Variants in VAC14 observed in about 807,000 individuals in gnomAD.
VAC14 encodes the protein protein VAC14 homolog.
A neutral mutation model predicts 85.3 loss-of-function variants in VAC14; 47 were observed. The observed-to-expected ratio is 0.55, with a 90% confidence interval of 0.44 to 0.70. The LOEUF (loss-of-function observed/expected upper bound fraction) is 0.70. VAC14 is among the 30% of genes least tolerant of loss of function. VAC14 has a pLI of 0.00. For missense variants in VAC14, 861 were observed against 1,004.3 expected (o/e 0.86, Z 1.93); for synonymous variants, 447 against 430.5 (o/e 1.04, Z -0.47).
At chr16:70,760,967 GT>G (rs2143047933) in intron 12 of VAC14, among the ~76,000 whole-genome samples, 1 of 66,048 alleles carries the variant, frequency 1.5e-5, no homozygotes, top group Admixed American at 1.3e-4. Context: ...GAGAGGGTGT[GT>G]GTGTGTGTGT....
chr16:70,704,705 G>T (rs974378794), intron 14 of VAC14, among the ~76,000 whole-genome samples: 8 of 152,212 alleles, frequency 5.3e-5, no homozygotes, highest in African/African-American at 1.9e-4. Context: ...GGCAGAGCCT[G>T]GCACGTTAGA....
chr16:70,767,216 T>C (rs1158576881), intron 10 of VAC14, among the ~76,000 whole-genome samples: 2 of 152,232 alleles, frequency 1.3e-5, no homozygotes, highest in African/African-American at 2.4e-5. Flanking sequence ...ATTTACTGAA[T>C]AATGCTTCTG....
chr16:70,760,410 A>G (rs1408250802), intron 12 of VAC14, among the ~76,000 whole-genome samples: 1 of 152,138 alleles, frequency 6.6e-6, no homozygotes, highest in Non-Finnish European at 1.5e-5. Flanking sequence ...CCAAAGATTA[A>G]GCAGGGGACA....
intron 16 of VAC14, 112 bp downstream of exon 16, chr16:70,697,027 G>T: frequency 1.3e-6 from 1 of 790,770 alleles, no homozygotes; most frequent in Non-Finnish European, 2.1e-6. Flanking sequence ...CTGAGTGGAG[G>T]GGTGGGGACA....
intron 14 of VAC14, among the ~76,000 whole-genome samples, chr16:70,727,188 C>T (rs1049282424): frequency 1.3e-5 from 2 of 152,226 alleles, no homozygotes; most frequent in Non-Finnish European, 2.9e-5. Context: ...CTTTCTTTCT[C>T]AGTGTGCAAT....
intron 2 of VAC14, 161 bp from the exon 3 acceptor site, chr16:70,786,030 C>T (rs1206342544): frequency 7.5e-7 from 1 of 1,324,830 alleles, no homozygotes; most frequent in Non-Finnish European, 1.0e-6. Context: ...CAGGAGAGGG[C>T]CCATGCCTAG....
At chr16:70,709,674 C>G (rs2053989268) in intron 14 of VAC14, among the ~76,000 whole-genome samples, 1 of 152,222 alleles carries the variant, frequency 6.6e-6, no homozygotes, top group Admixed American at 6.5e-5. Context: ...GTCCACGGGG[C>G]TGACTCCAAC....
At chr16:70,710,016 C>A (rs1291653215) in intron 14 of VAC14, among the ~76,000 whole-genome samples, 4 of 152,198 alleles carry the variant, frequency 2.6e-5, no homozygotes, top group African/African-American at 4.8e-5. Context: ...TGCTCAGCTG[C>A]CCCCGTGGAG....
At chr16:70,706,506 G>A (rs552574854) in intron 14 of VAC14, among the ~76,000 whole-genome samples, 6 of 152,262 alleles carry the variant, frequency 3.9e-5, no homozygotes, top group East Asian at 1.9e-4. Flanking sequence ...ACAGAGGGGC[G>A]AGCCCTTGTT....
chr16:70,714,037 T>C (rs1344037586), intron 14 of VAC14: 3 of 152,160 alleles, frequency 2.0e-5, no homozygotes, highest in African/African-American at 7.2e-5. Context: ...CTGCAGCTGC[T>C]GGAAACAGGG....
At chr16:70,790,448 T>C (rs926095514) in intron 1 of VAC14, among the ~76,000 whole-genome samples, 2 of 152,232 alleles carry the variant, frequency 1.3e-5, no homozygotes, top group African/African-American at 4.8e-5. Flanking sequence ...CACTGGCATT[T>C]AGCCCCGGTG....
chr16:70,773,465 C>G (rs1287011886), intron 9 of VAC14, among the ~76,000 whole-genome samples: 1 of 152,096 alleles, frequency 6.6e-6, no homozygotes, highest in African/African-American at 2.4e-5. Flanking sequence ...CCTAAAGAGC[C>G]AAGATGTTCT....
At chr16:70,737,247 G>T (rs892599560) in intron 13 of VAC14, among the ~76,000 whole-genome samples, 7 of 152,216 alleles carry the variant, frequency 4.6e-5, no homozygotes, top group East Asian at 1.9e-4. Flanking sequence ...GGCGCATGAG[G>T]AAAGTGGGAG....
intron 16 of VAC14, 111 bp downstream of exon 16, chr16:70,697,028 G>C (rs1294738001): frequency 3.4e-5 from 27 of 801,384 alleles, no homozygotes; most frequent in Non-Finnish European, 5.7e-5. Context: ...TGAGTGGAGG[G>C]GTGGGGACAG....
chr16:70,687,971 C>T lies in VAC14; in HGVS notation c.2306G>A (p.Arg769Gln), dbSNP rs376731871. 1.1e-5 allele frequency: 17 copies of T among 1,592,754 alleles called. No homozygotes were observed. Among genetic ancestry groups the T allele is most frequent in the African/African-American group, 4.0e-5 (3 of 74,076 alleles). The change falls in exon 19 of 19, where the codon CGG (arginine) becomes CAG (glutamine). Residue 769 changes from arginine to glutamine, a missense_variant. Transcript: ENST00000261776. ...QNKHLEVRHQ[R>Q]SGRGDHLDRR... ...GTCCAGGTGGTCCCCACGCCCGCTC[C>T]GCTGGTGCCGCACTTCCAGGTGCTT... is the stretch of plus-strand genomic sequence containing the variant.
chr16:70,754,672 T>C (rs561750056), intron 12 of VAC14, among the ~76,000 whole-genome samples: 148 of 152,266 alleles, frequency 9.7e-4, no homozygotes, highest in African/African-American at 3.2e-3. Context: ...TCCTCTCCCC[T>C]GCAGGCTGGG....
At chr16:70,691,909 T>TGCCGGAGCAAGG (rs2053603618) in intron 18 of VAC14, 1 of 985,286 alleles carries the variant, frequency 1.0e-6, no homozygotes, top group Non-Finnish European at 1.2e-6. Context: ...CGAGGCCCTT[T>TGCCGGAGCAAGG]GCTGGAGCAA....
In VAC14 at chr16:70,731,579, T is replaced by C. The variant is rs1311742452; in HGVS notation, c.1577A>G (p.Tyr526Cys). The C allele has an allele frequency of 1.2e-6, 2 of 1,614,010 alleles. No individual in the cohort carries two copies. Among genetic ancestry groups the C allele is most frequent in the Non-Finnish European group, 1.7e-6 (2 of 1,180,012 alleles). The change falls in exon 14 of 19, where the codon TAC becomes TGC. Residue 526 changes from tyrosine (Y) to cysteine (C), a missense_variant. Physicochemically the swap from Tyr to Cys is radical, Grantham distance 194. This residue lies in a region of VAC14 where 629 missense variants were observed against 703.1 expected (regional missense o/e 0.89). Transcript: ENST00000261776. ...CSPSTPTMNS[Y>C]FYKFMINLLK... ...AAGGTTGATCATGAACTTATAAAAG[T>C]AAGAATTCATGGTGGGAGTTGAAGG...
chr16:70,782,976 G>T, intron 7 of VAC14, 57 bp downstream of exon 7: 1 of 1,479,374 alleles, frequency 6.8e-7, no homozygotes, highest in Non-Finnish European at 9.4e-7. Flanking sequence ...CTTCTGCAGA[G>T]GTGGCAGTGG....
Sources: allele counts gnomAD v4.1 joint callset (sites outside exome capture counted in the v4.1 genomes callset), GRCh38; gene constraint gnomAD v4.1.1; regional missense constraint gnomAD v4.1.1; transcripts MANE v1.5; gene names NCBI Gene and HGNC (gene_info 2026-07-23, HGNC 2026-07-21).